PTPRQ: variants seen among roughly 807,000 people sequenced by gnomAD.
PTPRQ encodes phosphatidylinositol phosphatase PTPRQ.
A neutral mutation model predicts 246.0 loss-of-function variants in PTPRQ; 199 were observed. The ratio of observed to expected loss-of-function variants is 0.81; its 90% CI spans 0.72 to 0.91. The LOEUF (loss-of-function observed/expected upper bound fraction) is 0.91. Ranked by LOEUF, PTPRQ falls within the 40% of genes least tolerant of loss-of-function variation. PTPRQ has a pLI of 0.00. For synonymous variants in PTPRQ, 869 were observed against 853.2 expected (o/e 1.02, Z -0.32); for missense variants, 2,624 against 2,528.4 (o/e 1.04, Z -0.81).
chr12:80,642,932 A>C lies in PTPRQ; in HGVS notation c.5916-5965A>C, dbSNP rs796660269. 5.3e-3 allele frequency among the ~76,000 whole-genome samples: 701 copies of C among 131,564 alleles called. 26 individuals carry two copies. Among genetic ancestry groups the C allele is most frequent in the African/African-American group, 0.023 (644 of 28,070 alleles). The allele number at this position is 131,564 out of a possible 152,430, so 86.3% of individuals were successfully genotyped here. A position where few individuals can be genotyped will look rare whatever the true frequency, so the allele number is the denominator to read the frequency against. The stretch of plus-strand genomic sequence containing the variant: ...GAGACTCCGTCTTAAAAAAAAAAAA[A>C]AAAAAAAAAAAAAACAATTGAGTAT... On this transcript the variant is annotated intron_variant, in intron 35 of 44. Coordinates refer to ENST00000644991, the MANE Select transcript of PTPRQ (RefSeq NM_001145026.2).
intron 8 of PTPRQ, 132 bp downstream of exon 8, chr12:80,472,383 T>A: frequency 7.9e-7 from 1 of 1,264,600 alleles, no homozygotes; most frequent in Non-Finnish European, 1.1e-6. Flanking sequence ...AATTACTACC[T>A]AATTCATTCT....
Position 80,601,689 on chromosome 12 carries a change from A to G in PTPRQ, c.4610-3370A>G, listed in dbSNP as rs149891074. ...ATAATAAGGGAGCCTTAATACATTT[A>G]TACAGAGGTCATATCCCATCCCCTT... On this transcript the variant is annotated intron_variant, in intron 26 of 44. Coordinates refer to ENST00000644991, the MANE Select transcript of PTPRQ (RefSeq NM_001145026.2). Among the ~76,000 whole-genome samples the G allele has an allele frequency of 4.9e-4, 74 of 151,904 alleles. 1 individual carries two copies. Among genetic ancestry groups the G allele is most frequent in the Non-Finnish European group, 8.7e-4 (59 of 67,822 alleles).
intron 35 of PTPRQ, among the ~76,000 whole-genome samples, chr12:80,648,552 T>C (rs1171189514): frequency 6.6e-6 from 1 of 152,040 alleles, no homozygotes; most frequent in East Asian, 1.9e-4. Flanking sequence ...AAATCCACAT[T>C]AGCTCTTTTA....
chr12:80,597,643 A>G (rs1476922288), intron 26 of PTPRQ, among the ~76,000 whole-genome samples: 7 of 151,982 alleles, frequency 4.6e-5, no homozygotes, highest in Admixed American at 3.9e-4. Flanking sequence ...ATCATTGGTC[A>G]TCTAATCTGA....
intron 14 of PTPRQ, among the ~76,000 whole-genome samples, chr12:80,504,326 T>C (rs1468472713): frequency 6.6e-6 from 1 of 151,882 alleles, no homozygotes; most frequent in Non-Finnish European, 1.5e-5. Flanking sequence ...TATTTTGTTC[T>C]GTTCCAGAAG....
At chr12:80,499,031 A>G (rs778351979) in intron 14 of PTPRQ, among the ~76,000 whole-genome samples, 17 of 152,052 alleles carry the variant, frequency 1.1e-4, no homozygotes, top group South Asian at 8.3e-4. Context: ...GTGTCTTAGA[A>G]AACATGCAGA....
At chr12:80,474,920 T>A (rs1893764059) in intron 8 of PTPRQ, among the ~76,000 whole-genome samples, 1 of 152,180 alleles carries the variant, frequency 6.6e-6, no homozygotes, top group African/African-American at 2.4e-5. Flanking sequence ...AACTTGTTAC[T>A]TTCTGCAAAT....
Position 80,549,476 on chromosome 12 carries a change from G to C in PTPRQ, c.4027G>C (p.Val1343Leu), listed in dbSNP as rs1346589856. The C allele has an allele frequency of 6.5e-7, 1 of 1,546,346 alleles. No individual in the cohort carries two copies. The highest frequency in any genetic ancestry group is 1.2e-5 in the South Asian group (1 of 83,426). The change falls in exon 25 of 45, where the codon GTG (valine) becomes CTG (leucine). Residue 1343 changes from valine (V) to leucine (L), a missense_variant. Physicochemically the swap from Val to Leu is conservative, Grantham distance 32 (BLOSUM62 1). Transcript: ENST00000644991. ...FTTQESVPDVVQNMQCMATSW... is the reference protein window; with the variant it reads ...FTTQESVPDVLQNMQCMATSW... ...GTTTATCTCTTAAGTTCCAGATGTCGTGCAGAATATGCAGTGCATGGCAAC... is the reference window on the plus strand; with the variant it reads ...GTTTATCTCTTAAGTTCCAGATGTCCTGCAGAATATGCAGTGCATGGCAAC...
In PTPRQ at chr12:80,472,217, C is replaced by A. The variant is rs1304699837; in HGVS notation, c.1152C>A (p.Pro384=). ...CTGAAACCAGTGCAGGGACTGGGCC[C>A]AAGTCAAATATTTCAGTATTCACTC... The part of the protein sequence containing the change: ...IAAETSAGTG[P]KSNISVFTPP... The change falls in exon 8 of 45, where the codon CCC becomes CCA. Residue 384 remains proline, a synonymous_variant. Coordinates refer to ENST00000644991, the MANE Select transcript of PTPRQ (RefSeq NM_001145026.2). 3 of 1,551,338 alleles carry A rather than the reference C, an allele frequency of 1.9e-6. No individual in the cohort carries two copies. The South Asian group carries it at 3.6e-5, about 18-fold the overall frequency.
chr12:80,527,650 G>A (rs1236339807), intron 17 of PTPRQ, among the ~76,000 whole-genome samples: 1 of 152,036 alleles, frequency 6.6e-6, no homozygotes, highest in Non-Finnish European at 1.5e-5. Context: ...AGAAAAAGGA[G>A]AAAAAGCACA....
intron 3 of PTPRQ, 51 bp from the exon 4 acceptor site, chr12:80,457,524 C>CT (rs1328344351): frequency 5.0e-6 from 2 of 399,868 alleles, no homozygotes; most frequent in Non-Finnish European, 8.9e-6. Flanking sequence ...TTTAGATTCT[C>CT]TTTTTTCAGG....
At chr12:80,599,199 A>T (rs986340620) in intron 26 of PTPRQ, among the ~76,000 whole-genome samples, 3 of 151,996 alleles carry the variant, frequency 2.0e-5, no homozygotes, top group African/African-American at 7.2e-5. Context: ...CATGATAATC[A>T]GGAAATGATG....
chr12:80,512,089 G>C (rs1209162579), intron 17 of PTPRQ, among the ~76,000 whole-genome samples: 2 of 152,132 alleles, frequency 1.3e-5, no homozygotes, highest in South Asian at 4.1e-4. Context: ...TGATGGATTG[G>C]CTGTGCAGAT....
intron 35 of PTPRQ, 142 bp from the exon 36 acceptor site, chr12:80,648,755 A>ACT: frequency 1.7e-6 from 1 of 579,038 alleles, no homozygotes; most frequent in Non-Finnish European, 2.7e-6. Context: ...ATAAAATTTA[A>ACT]AATAATGATC....
intron 3 of PTPRQ, among the ~76,000 whole-genome samples, chr12:80,456,964 G>T (rs535579876): frequency 6.6e-6 from 1 of 152,162 alleles, no homozygotes; most frequent in Admixed American, 6.5e-5. Flanking sequence ...TTAAGCCAAG[G>T]TTATGATTCC....
chr12:80,678,985 G>A lies in PTPRQ; in HGVS notation c.6863-1G>A. 2 of 1,545,500 alleles carry A rather than the reference G, an allele frequency of 1.3e-6. No homozygotes were observed. The highest frequency in any genetic ancestry group is 1.7e-6 in the Non-Finnish European group (2 of 1,144,312). ...TTGTAACATGTTACTTTCTGTTATA[G>A]GTGATGTTGAGCTTGAATGGGAAGA... On this transcript the variant is annotated splice_acceptor_variant, in intron 44 of 44. Transcript: ENST00000644991. LOFTEE classifies it high-confidence loss of function.
chr12:80,597,449 A>C (rs1320977358), intron 26 of PTPRQ, among the ~76,000 whole-genome samples: 1 of 152,018 alleles, frequency 6.6e-6, no homozygotes, highest in Admixed American at 6.6e-5. Context: ...AACCCTCTTC[A>C]TAGTTTATCC....
At chr12:80,622,848 A>G (rs1356486545) in intron 33 of PTPRQ, among the ~76,000 whole-genome samples, 4 of 151,944 alleles carry the variant, frequency 2.6e-5, no homozygotes, top group African/African-American at 9.7e-5. Context: ...AACAACATAT[A>G]TAAATATATT....
chr12:80,656,397 T>C (rs1323583889), intron 38 of PTPRQ, among the ~76,000 whole-genome samples: 1 of 152,098 alleles, frequency 6.6e-6, no homozygotes, highest in African/African-American at 2.4e-5. Flanking sequence ...GCAGAGAAGC[T>C]TAGCAATTTA....
Sources: gnomAD v4.1 joint callset for allele counts (sites outside exome capture counted in the v4.1 genomes callset) on GRCh38, gnomAD v4.1.1 for gene constraint, MANE v1.5 for transcripts, NCBI Gene and HGNC (gene_info 2026-07-23, HGNC 2026-07-21) for gene names.